SNX31: variants seen among roughly 807,000 people sequenced by gnomAD.
The protein encoded by SNX31 is sorting nexin 31, also known as sorting nexin-31.
SNX31 carries 58 observed loss-of-function variants against 65.4 expected under a neutral mutation model. That is an observed-to-expected ratio of 0.89 (90% CI 0.72 to 1.10). The LOEUF is 1.10. Ranked by LOEUF, SNX31 falls within the 50% of genes least tolerant of loss-of-function variation. SNX31 has a pLI of 0.00. For missense variants in SNX31, 523 were observed against 529.7 expected, an observed-to-expected ratio of 0.99 and a Z score of 0.12; for synonymous variants, 181 against 190.1, an observed-to-expected ratio of 0.95 and a Z score of 0.39.
rs1455617788 is a variant in SNX31 at position 100,649,470 on chromosome 8, G to T, written c.45C>A (p.Asp15Glu). The T allele has an allele frequency of 6.4e-7, 1 of 1,555,648 alleles. No individual in the cohort carries two copies. Among genetic ancestry groups the T allele is most frequent in the Non-Finnish European group, 8.7e-7 (1 of 1,148,760 alleles). ...FCIPVSQQRS[D>E]ALGGRYVLYS... is the part of the protein sequence containing the mutation. ...GCACCACGTAGCGGCCCCCCAGCGC[G>T]TCGGACCGCTGCTGGGACACCGGGA... Residue 15 changes from aspartate (D) to glutamate (E), a missense_variant, in exon 1 of 14, where the codon GAC becomes GAA. By Grantham distance (45) the Asp-to-Glu change is conservative. Transcript: ENST00000311812.
chr8:100,649,655 C>A lies in SNX31; in HGVS notation c.-141G>T. On this transcript the variant is annotated 5_prime_UTR_variant, in exon 1 of 14. Coordinates refer to ENST00000311812, the MANE Select transcript of SNX31 (RefSeq NM_152628.4). Reference sequence around the variant, plus strand: ...AACCCCGGCGCCCGCTCTCGCCGGCCGGGGACATCTACAGGTGGGGCCGGG... The same window carrying A: ...AACCCCGGCGCCCGCTCTCGCCGGCAGGGGACATCTACAGGTGGGGCCGGG... 1 of 747,936 alleles carries A rather than the reference C, an allele frequency of 1.3e-6. No homozygotes were observed. Among genetic ancestry groups the A allele is most frequent in the South Asian group, 2.0e-5 (1 of 49,230 alleles). 46.3% of individuals were successfully genotyped at this position (747,936 alleles called of 1,614,324 possible).
At position 100,635,931 on chromosome 8, in the gene SNX31, CTCA is replaced by C. The variant is rs1175456276; in HGVS notation, c.219_221del (p.Asp73del). ...AATATTGTTCCAGTTGGTCCCTCCT[CTCA>C]TCAGCCATAGCTGTGGTCATTGCCA... On this transcript the variant is annotated inframe_deletion, in exon 3 of 14. Coordinates refer to ENST00000311812, the MANE Select transcript of SNX31 (RefSeq NM_152628.4). 1.2e-6 allele frequency: 2 copies of C among 1,614,032 alleles called. No homozygotes were observed. The highest frequency in any genetic ancestry group is 2.7e-5 in the African/African-American group (2 of 74,910).
intron 7 of SNX31, 66 bp downstream of exon 7, chr8:100,611,933 TG>T (rs754312075): frequency 3.0e-4 from 362 of 1,215,048 alleles, no homozygotes; most frequent in Middle Eastern, 5.7e-4. Context: ...GACGGGACTC[TG>T]GTAAGTCCTG....
In SNX31 at chr8:100,608,591, T is replaced by C. The variant is rs369503187; in HGVS notation, c.612-28A>G. ...GCAAAATTCAGGAGTGTGAAATTCA[T>C]TCCTGTGACATGGCCCATGGGCACA... On this transcript the variant is annotated intron_variant, in intron 7 of 13. Transcript: ENST00000311812. 348 of 1,609,996 alleles carry C rather than the reference T, an allele frequency of 2.2e-4. 2 individuals carry two copies. The highest frequency in any genetic ancestry group is 1.5e-3 in the Admixed American group (87 of 59,934).
At chr8:100,642,064 G>A (rs971019975) in intron 2 of SNX31, among the ~76,000 whole-genome samples, 26 of 144,048 alleles carry the variant, frequency 1.8e-4, no homozygotes, top group African/African-American at 5.3e-4. Flanking sequence ...GGGCGACAGA[G>A]CGAGACTCCA....
chr8:100,652,281 A>G (rs1563593156), upstream of SNX31, among the ~76,000 whole-genome samples: 1 of 152,152 alleles, frequency 6.6e-6, no homozygotes, highest in Non-Finnish European at 1.5e-5. Flanking sequence ...CCCGGCCCAC[A>G]GGTTTTTAAT....
intron 5 of SNX31, among the ~76,000 whole-genome samples, chr8:100,615,166 C>A (rs1392219611): frequency 6.6e-6 from 1 of 152,152 alleles, no homozygotes; most frequent in East Asian, 1.9e-4. Context: ...ATGATGTCAA[C>A]GTCTTGGGTC....
chr8:100,600,053 A>G (rs930367217), intron 9 of SNX31, among the ~76,000 whole-genome samples: 2 of 152,248 alleles, frequency 1.3e-5, no homozygotes, highest in African/African-American at 4.8e-5. Context: ...TAGCCAAACG[A>G]TAATATAACC....
At chr8:100,651,891 T>A (rs992099076), upstream of SNX31, among the ~76,000 whole-genome samples, 1 of 152,228 alleles carries the variant, frequency 6.6e-6, no homozygotes, top group Non-Finnish European at 1.5e-5. Flanking sequence ...GTGATCTGCC[T>A]CTAGAGCCTG....
At chr8:100,628,304 G>A (rs541572543) in intron 4 of SNX31, among the ~76,000 whole-genome samples, 299 of 152,150 alleles carry the variant, frequency 2.0e-3, no homozygotes, top group African/African-American at 6.6e-3. Context: ...TGTTTATTGC[G>A]GCACTATTCA....
chr8:100,591,972 A>G (rs1178280754), intron 10 of SNX31, among the ~76,000 whole-genome samples: 1 of 152,272 alleles, frequency 6.6e-6, no homozygotes, highest in African/African-American at 2.4e-5. Context: ...ACAAAAAATT[A>G]CTTGAAATGA....
In SNX31 at chr8:100,624,132, C is replaced by G. The variant is rs148466417; in HGVS notation, c.321+6195G>C. On this transcript the variant is annotated intron_variant, in intron 4 of 13. Transcript: ENST00000311812. The stretch of plus-strand genomic sequence containing the variant: ...AAAGCTGAAATCCTCACATCCATCA[C>G]AGTCAGTGGATAGGGTCTAAAAATT... 3.7e-3 allele frequency among the ~76,000 whole-genome samples: 569 copies of G among 152,144 alleles called. 3 individuals carry two copies. Among genetic ancestry groups the G allele is most frequent in the African/African-American group, 0.012 (496 of 41,502 alleles).
chr8:100,586,851 A>G (rs1814094199), intron 11 of SNX31, among the ~76,000 whole-genome samples: 1 of 152,220 alleles, frequency 6.6e-6, no homozygotes, highest in Admixed American at 6.5e-5. Flanking sequence ...CGATGCAAAG[A>G]GTACTTTACT....
intron 8 of SNX31, among the ~76,000 whole-genome samples, chr8:100,605,004 T>C (rs1816011676): frequency 1.3e-5 from 2 of 152,132 alleles, no homozygotes; most frequent in East Asian, 1.9e-4. Flanking sequence ...GTTCAAGAGA[T>C]TCTCCTGCCT....
chr8:100,618,191 G>A (rs1817398928), intron 4 of SNX31: 2 of 1,434,592 alleles, frequency 1.4e-6, no homozygotes, highest in Non-Finnish European at 9.1e-7. Flanking sequence ...TGGAAGGGTT[G>A]TTTTGTGGGG....
rs1816594574 is a variant in SNX31 at position 100,610,326 on chromosome 8, A to C, written c.611+1674T>G. On this transcript the variant is annotated intron_variant, in intron 7 of 13. Transcript: ENST00000311812. This position sits in a 1 kb window ranked among gnomAD's most constrained non-coding sequence, Gnocchi z 4.0. ...TCTCCTTTGATCTCAGGTTTTATGA[A>C]GCGCACATGAGTGAAAATCTAAGCC... is the stretch of plus-strand genomic sequence containing the variant. 6.6e-6 allele frequency among the ~76,000 whole-genome samples: 1 copy of C among 151,168 alleles called. No homozygotes were observed. The highest frequency in any genetic ancestry group is 2.4e-5 in the African/African-American group (1 of 41,014).
chr8:100,656,666 A>AAAAAC (rs1820058137), intron 1 of SNX31, among the ~76,000 whole-genome samples: 2 of 146,512 alleles, frequency 1.4e-5, no homozygotes, highest in African/African-American at 5.0e-5. Flanking sequence ...AAAAAAAAAA[A>AAAAAC]CCTTTAAGAG....
chr8:100,653,628 C>A (rs183624012), upstream of SNX31, among the ~76,000 whole-genome samples: 451 of 152,288 alleles, frequency 3.0e-3, 1 homozygote, highest in African/African-American at 8.6e-3. Flanking sequence ...ACGGCTCTGC[C>A]GACACTTTGA....
rs1816549393 is a variant in SNX31, at chr8:100,609,897, A to T, written c.612-1334T>A. 6.6e-6 allele frequency among the ~76,000 whole-genome samples: 1 copy of T among 152,128 alleles called. No individual in the cohort carries two copies. Among genetic ancestry groups the T allele is most frequent in the South Asian group, 2.1e-4 (1 of 4,828 alleles). ...GGAAGCCATATCATCATCATTGGAG[A>T]GATGCACCCAGGCATCTCTCCTTAA... is the stretch of plus-strand genomic sequence containing the variant. On this transcript the variant is annotated intron_variant, in intron 7 of 13. Coordinates refer to ENST00000311812, the MANE Select transcript of SNX31 (RefSeq NM_152628.4). This position sits in a 1 kb window ranked among gnomAD's most constrained non-coding sequence, Gnocchi z 4.9.
Sources: allele counts gnomAD v4.1 joint callset (sites outside exome capture counted in the v4.1 genomes callset), GRCh38; gene constraint gnomAD v4.1.1; non-coding constraint Gnocchi (gnomAD v3.1); transcripts MANE v1.5; gene names NCBI Gene and HGNC (gene_info 2026-07-23, HGNC 2026-07-21).